Variants in CDKN2B-AS1 observed in about 807,000 individuals in gnomAD.
CDKN2B-AS1 encodes CDKN2B antisense RNA 1 (non-protein coding).
intron 1 of CDKN2B-AS1, chr9:22,030,490 A>G (rs975751694): frequency 6.6e-6 from 1 of 152,104 alleles, no homozygotes; most frequent in Non-Finnish European, 1.5e-5. Flanking sequence ...AAATTTTCCC[A>G]TATGCCAGAG....
chr9:22,025,107 A>G (rs1438132669), intron 1 of CDKN2B-AS1, among the ~76,000 whole-genome samples: 2 of 152,200 alleles, frequency 1.3e-5, no homozygotes, highest in Non-Finnish European at 2.9e-5. Flanking sequence ...TCTGGGCTCC[A>G]CATCAGCTGG....
At chr9:22,120,632 C>G (rs541170353) in intron 4 of CDKN2B-AS1, 1 of 151,830 alleles carries the variant, frequency 6.6e-6, no homozygotes, top group African/African-American at 2.4e-5. Context: ...AACCTTGTTT[C>G]AAAAATATTA....
chr9:22,085,738 A>G (rs981741754), intron 4 of CDKN2B-AS1, among the ~76,000 whole-genome samples: 6 of 135,154 alleles, frequency 4.4e-5, no homozygotes, highest in Non-Finnish European at 8.0e-5. Context: ...AAAAAAAAAA[A>G]AAGTCCCTCT....
intron 4 of CDKN2B-AS1, among the ~76,000 whole-genome samples, chr9:22,060,148 G>T (rs1006549120): frequency 6.6e-6 from 1 of 152,220 alleles, no homozygotes; most frequent in Non-Finnish European, 1.5e-5. Flanking sequence ...CAGCTAGCTT[G>T]AATTTCTTCC....
At chr9:22,092,147 A>C (rs368941239) in intron 4 of CDKN2B-AS1, among the ~76,000 whole-genome samples, 26 of 152,204 alleles carry the variant, frequency 1.7e-4, no homozygotes, top group East Asian at 9.7e-4. Context: ...TATGTTGAAC[A>C]AGCCTTGCAT....
At chr9:22,097,229 T>C (rs781740198) in intron 4 of CDKN2B-AS1, 1 of 152,236 alleles carries the variant, frequency 6.6e-6, no homozygotes, top group African/African-American at 2.4e-5. Context: ...CCATTGGATT[T>C]CCCCTAACTA....
chr9:22,036,601 C>T (rs1479406004), intron 1 of CDKN2B-AS1, among the ~76,000 whole-genome samples: 1 of 152,032 alleles, frequency 6.6e-6, no homozygotes, highest in African/African-American at 2.4e-5. Flanking sequence ...TTGTATTCCC[C>T]TATTAATATA....
intron 1 of CDKN2B-AS1, among the ~76,000 whole-genome samples, chr9:22,035,896 AAAGGAGAATTGCATCAATCACGGTG>A (rs1460879964): frequency 2.0e-5 from 3 of 152,104 alleles, no homozygotes; most frequent in African/African-American, 7.2e-5. Context: ...TTTTTTGACT[AAAGGAGAATTGCATCAATCACGGTG>A]AAGGAGATGC....
intron 4 of CDKN2B-AS1, among the ~76,000 whole-genome samples, chr9:22,107,786 A>T (rs932826872): frequency 5.3e-5 from 8 of 152,198 alleles, no homozygotes; most frequent in African/African-American, 1.7e-4. Context: ...GCCAGGGGGA[A>T]TCTCCATATG....
intron 4 of CDKN2B-AS1, among the ~76,000 whole-genome samples, chr9:22,099,696 G>A (rs1825415071): frequency 6.6e-6 from 1 of 152,014 alleles, no homozygotes; most frequent in Non-Finnish European, 1.5e-5. Flanking sequence ...GTGGTAAAGA[G>A]GGAAAAGATT....
intron 1 of CDKN2B-AS1, among the ~76,000 whole-genome samples, chr9:22,019,757 A>G (rs1435005965): frequency 6.6e-6 from 1 of 152,234 alleles, no homozygotes; most frequent in Non-Finnish European, 1.5e-5. Context: ...ACATTTGAGT[A>G]TAGAAAATTA....
At chr9:22,021,245 T>C (rs561023293) in intron 1 of CDKN2B-AS1, among the ~76,000 whole-genome samples, 118 of 152,070 alleles carry the variant, frequency 7.8e-4, no homozygotes, top group African/African-American at 2.7e-3. Flanking sequence ...TCTGCTTTTT[T>C]TTATGTTCTT....
chr9:22,061,400 C>T (rs975615631), intron 4 of CDKN2B-AS1, among the ~76,000 whole-genome samples: 6 of 151,932 alleles, frequency 3.9e-5, no homozygotes, highest in Non-Finnish European at 7.4e-5. Context: ...AATCTGAGAA[C>T]GAATTGTGTG....
Position 22,024,667 on chromosome 9 carries a change from G to A in CDKN2B-AS1, n.30-22084G>A, listed in dbSNP as rs79770342. Among the ~76,000 whole-genome samples, 688 of 152,308 alleles carry A rather than the reference G, an allele frequency of 4.5e-3. 6 individuals are homozygous for A. The highest frequency in any genetic ancestry group is 0.016 in the African/African-American group (654 of 41,574). On this transcript the variant is annotated intron_variant and non_coding_transcript_variant, in intron 1 of 4. Transcript: ENST00000650946. ...CTGTCTGCAATGGTGGTTGACAGAG[G>A]TCAAGGGGCATACTTCCCTCCTGTA...
At chr9:22,033,789 G>A (rs183917345) in intron 1 of CDKN2B-AS1, among the ~76,000 whole-genome samples, 2 of 152,276 alleles carry the variant, frequency 1.3e-5, no homozygotes, top group East Asian at 1.9e-4. Context: ...TAAGAATAAC[G>A]CTGGTGTTTG....
intron 1 of CDKN2B-AS1, chr9:22,003,995 T>C: frequency 4.3e-6 from 1 of 232,864 alleles, no homozygotes; most frequent in Non-Finnish European, 8.5e-6. Context: ...GATGCACTTC[T>C]TTGTGCATCC....
At position 22,000,290 on chromosome 9, in the gene CDKN2B-AS1, A is replaced by G. The variant is rs537698098; in HGVS notation, n.29+5129A>G. ...AGGCAAACACCATTCTTATAGACATAAGACATACTTGGGAGCAAATGTATA... is the reference window on the plus strand; with the variant it reads ...AGGCAAACACCATTCTTATAGACATGAGACATACTTGGGAGCAAATGTATA... On this transcript the variant is annotated intron_variant and non_coding_transcript_variant, in intron 1 of 4. Transcript: ENST00000650946. This position sits in a 1 kb window ranked among gnomAD's most constrained non-coding sequence, Gnocchi z 4.1. Among the ~76,000 whole-genome samples the G allele has an allele frequency of 2.0e-5, 3 of 152,188 alleles. No individual in the cohort carries two copies. The highest frequency in any genetic ancestry group is 4.4e-5 in the Non-Finnish European group (3 of 68,020).
rs566072247 is a variant in CDKN2B-AS1, at chr9:22,010,861, C to T, written n.29+15700C>T. Among the ~76,000 whole-genome samples the T allele has an allele frequency of 2.0e-3, 306 of 152,264 alleles. 1 individual carries two copies. The highest frequency in any genetic ancestry group is 7.1e-3 in the African/African-American group (293 of 41,546). Reference sequence around the variant, plus strand: ...AGATAGTCTGACCCAATTCTTGAGCCATTTTCTTAGGTAGTAAATATGTCA... The same window carrying T: ...AGATAGTCTGACCCAATTCTTGAGCTATTTTCTTAGGTAGTAAATATGTCA... On this transcript the variant is annotated intron_variant and non_coding_transcript_variant, in intron 1 of 4. Transcript: ENST00000650946.
chr9:22,042,746 G>T (rs947825279), intron 1 of CDKN2B-AS1, among the ~76,000 whole-genome samples: 5 of 152,100 alleles, frequency 3.3e-5, no homozygotes, highest in African/African-American at 1.2e-4. Flanking sequence ...TTATGTTAAA[G>T]AAAGCAAAAC....
Sources: gnomAD v4.1 joint callset for allele counts (sites outside exome capture counted in the v4.1 genomes callset) on GRCh38, gnomAD v4.1.1 for gene constraint, Gnocchi (gnomAD v3.1) non-coding constraint, MANE v1.5 for transcripts, NCBI Gene and HGNC (gene_info 2026-07-23, HGNC 2026-07-21) for gene names.